TBC1D23: variants seen among roughly 807,000 people sequenced by gnomAD.
TBC1D23 encodes HCV non-structural protein 4A-transactivated protein 1.
Under a neutral mutation model 91.4 loss-of-function variants are expected in TBC1D23, and 55 were observed. The ratio of observed to expected loss-of-function variants is 0.60; its 90% CI spans 0.48 to 0.75. The LOEUF is 0.75. Ranked by LOEUF, TBC1D23 falls within the 30% of genes least tolerant of loss-of-function variation. The pLI is 0.00. For missense variants in TBC1D23, 725 were observed against 836.1 expected (o/e 0.87, Z 1.64); for synonymous variants, 289 against 281.0 (o/e 1.03, Z -0.28).
chr3:100,302,045 T>C (rs753661639), intron 10 of TBC1D23, 22 bp from the exon 11 acceptor site: 1 of 1,572,300 alleles, frequency 6.4e-7, no homozygotes, highest in Non-Finnish European at 8.6e-7. Flanking sequence ...GTCAAGTTTT[T>C]AACTTTAAAA....
At chr3:100,271,772 G>GAGTT (rs1304345524) in intron 1 of TBC1D23, among the ~76,000 whole-genome samples, 6 of 152,156 alleles carry the variant, frequency 3.9e-5, no homozygotes, top group Non-Finnish European at 8.8e-5. Flanking sequence ...TAGCATCATA[G>GAGTT]AGTTGTCTTA....
Position 100,325,005 on chromosome 3 carries a change from G to A in TBC1D23, c.*1337G>A, listed in dbSNP as rs1265881083. 6.6e-6 allele frequency: 1 copy of A among 152,178 alleles called. No individual in the cohort carries two copies. The highest frequency in any genetic ancestry group is 1.5e-5 in the Non-Finnish European group (1 of 68,032). 9.4% of individuals were successfully genotyped at this position (152,178 alleles called of 1,614,324 possible). Reference sequence around the variant, plus strand: ...CTAATATCTAATAAAAACAGTTTGAGTGGTTGAAGACATCTGCATGAAATT... The same window carrying A: ...CTAATATCTAATAAAAACAGTTTGAATGGTTGAAGACATCTGCATGAAATT... On this transcript the variant is annotated 3_prime_UTR_variant, in exon 19 of 19. Coordinates refer to ENST00000394144, the MANE Select transcript of TBC1D23 (RefSeq NM_001199198.3).
rs1705519030 is a variant in TBC1D23 at position 100,306,426 on chromosome 3, TTTATC to T, written c.1307-7_1307-3del. 1 of 1,523,608 alleles carries T rather than the reference TTTATC, an allele frequency of 6.6e-7. No homozygotes were observed. Among genetic ancestry groups the T allele is most frequent in the African/African-American group, 1.4e-5 (1 of 71,578 alleles). 94.4% of individuals were successfully genotyped at this position (1,523,608 alleles called of 1,614,324 possible). A position where few individuals can be genotyped will look rare whatever the true frequency, so the allele number is the denominator to read the frequency against. The stretch of plus-strand genomic sequence containing the variant: ...TTTTAGGTTTTTCTTTTTTTTTTAA[TTTATC>T]TTAAGCACTGCAGCAGCACCTGGCA... On this transcript the variant is annotated splice_polypyrimidine_tract_variant and splice_region_variant and intron_variant, in intron 12 of 18. Transcript: ENST00000394144.
chr3:100,282,506 G>C (rs944169514), intron 3 of TBC1D23, among the ~76,000 whole-genome samples: 1 of 152,150 alleles, frequency 6.6e-6, no homozygotes, highest in Non-Finnish European at 1.5e-5. Flanking sequence ...GTGGACTGCT[G>C]TAGAGAAACT....
chr3:100,261,437 T>C (rs3772701), intron 1 of TBC1D23: 73,286 of 285,060 alleles, frequency 0.26, 10,373 homozygotes, highest in East Asian at 0.53. Context: ...TGGATGCAGA[T>C]CTGAGTCACT....
At chr3:100,287,384 A>C (rs993468711) in intron 4 of TBC1D23, among the ~76,000 whole-genome samples, 1 of 152,228 alleles carries the variant, frequency 6.6e-6, no homozygotes, top group Non-Finnish European at 1.5e-5. Context: ...CTTGTACTTG[A>C]GAGCAACACT....
chr3:100,296,001 T>G (rs976535966), intron 7 of TBC1D23, among the ~76,000 whole-genome samples, 171 bp from the exon 8 acceptor site: 1 of 152,222 alleles, frequency 6.6e-6, no homozygotes. Context: ...AGATTTACAT[T>G]AGCCGTTTCA....
chr3:100,311,887 T>A lies in TBC1D23; in HGVS notation c.1598+10T>A. 6.6e-7 allele frequency: 1 copy of A among 1,526,514 alleles called. No individual in the cohort carries two copies. Among genetic ancestry groups the A allele is most frequent in the Non-Finnish European group, 8.8e-7 (1 of 1,137,854 alleles). The allele number at this position is 1,526,514 out of a possible 1,614,324, so 94.6% of individuals were successfully genotyped here. ...GATCATGTACAGAGCGGTAAGCCAA[T>A]GAGTAGAGCATTTTTCTTGAACCAT... On this transcript the variant is annotated intron_variant, in intron 15 of 18. Transcript: ENST00000394144.
intron 14 of TBC1D23, among the ~76,000 whole-genome samples, chr3:100,311,225 T>C (rs771817612): frequency 5.9e-5 from 9 of 152,230 alleles, no homozygotes; most frequent in Non-Finnish European, 1.2e-4. Context: ...AAATGTGTTA[T>C]AGTATTTGGT....
At chr3:100,286,501 C>CTTTT (rs11370481) in intron 4 of TBC1D23, among the ~76,000 whole-genome samples, 1 of 146,364 alleles carries the variant, frequency 6.8e-6, no homozygotes, top group Non-Finnish European at 1.5e-5. Context: ...AACATATCTT[C>CTTTT]TTTTTTTTTT....
chr3:100,275,996 CTG>C (rs2067645197), intron 1 of TBC1D23, among the ~76,000 whole-genome samples: 1 of 150,960 alleles, frequency 6.6e-6, no homozygotes, highest in Non-Finnish European at 1.5e-5. Flanking sequence ...TTGGCAGAGA[CTG>C]GGGTCAGGGT....
At chr3:100,274,837 TATG>T (rs1278149449) in intron 1 of TBC1D23, among the ~76,000 whole-genome samples, 20 of 148,628 alleles carry the variant, frequency 1.3e-4, no homozygotes, top group Non-Finnish European at 1.9e-4. Context: ...ACATATATAA[TATG>T]ATAAATATAT....
At position 100,316,167 on chromosome 3, in the gene TBC1D23, A is replaced by G; in HGVS notation, c.1667A>G (p.Asp556Gly). 6.2e-7 allele frequency: 1 copy of G among 1,613,778 alleles called. No individual in the cohort carries two copies. The highest frequency in any genetic ancestry group is 1.1e-5 in the South Asian group (1 of 91,076). The stretch of plus-strand genomic sequence containing the variant: ...GTAAAGCCTGTTTTCAGCATTGGGG[A>G]TGAAGAAGAATACGACACAGGTGTA... Reference protein sequence around the residue: ...RGVKPVFSIGDEEEYDTDEID... With the variant: ...RGVKPVFSIGGEEEYDTDEID... Residue 556 changes from aspartate (D) to glycine (G), a missense_variant, in exon 16 of 19, where the codon GAT becomes GGT. By Grantham distance (94) the Asp-to-Gly change is moderately conservative (BLOSUM62 -1). Coordinates refer to ENST00000394144, the MANE Select transcript of TBC1D23 (RefSeq NM_001199198.3).
Position 100,283,784 on chromosome 3 carries a change from A to G in TBC1D23, c.449A>G (p.Tyr150Cys). 3.1e-6 allele frequency: 5 copies of G among 1,611,302 alleles called. No individual in the cohort carries two copies. The highest frequency in any genetic ancestry group is 4.2e-6 in the Non-Finnish European group (5 of 1,177,448). The part of the protein sequence containing the change: ...LPRSDLYNCF[Y>C]AIMNKYIPRD... Reference sequence around the variant, plus strand: ...CGCAGCGATTTATACAACTGCTTTTATGCCATAATGAATAAGTACATTCCC... The same window carrying G: ...CGCAGCGATTTATACAACTGCTTTTGTGCCATAATGAATAAGTACATTCCC... The change falls in exon 4 of 19, where the codon TAT becomes TGT. Residue 150 changes from tyrosine to cysteine, a missense_variant. By Grantham distance (194) the Tyr-to-Cys change is radical. Coordinates refer to ENST00000394144, the MANE Select transcript of TBC1D23 (RefSeq NM_001199198.3).
chr3:100,281,309 A>G (rs535409942), intron 2 of TBC1D23, among the ~76,000 whole-genome samples: 20 of 152,266 alleles, frequency 1.3e-4, no homozygotes, highest in Admixed American at 7.2e-4. Flanking sequence ...AGATTCTTTA[A>G]ATCAATACAG....
chr3:100,290,785 A>G (rs2067783457), intron 5 of TBC1D23, 84 bp downstream of exon 5: 1 of 1,175,434 alleles, frequency 8.5e-7, no homozygotes, highest in African/African-American at 1.6e-5. Flanking sequence ...TTCAAGGAAG[A>G]GAAAGAAAAG....
chr3:100,290,331 G>A (rs2067778785), intron 4 of TBC1D23, among the ~76,000 whole-genome samples: 1 of 152,166 alleles, frequency 6.6e-6, no homozygotes, highest in Non-Finnish European at 1.5e-5. Context: ...GATCCCTGTA[G>A]TTCTCTCACT....
chr3:100,305,709 A>G (rs12486660), intron 12 of TBC1D23, among the ~76,000 whole-genome samples: 39,004 of 151,962 alleles, frequency 0.26, 5,416 homozygotes, highest in Non-Finnish European at 0.31. Flanking sequence ...GTCATTGTTG[A>G]TATTAACAAG....
chr3:100,296,292 G>C lies in TBC1D23; in HGVS notation c.876+17G>C. On this transcript the variant is annotated intron_variant, in intron 8 of 18. Coordinates refer to ENST00000394144, the MANE Select transcript of TBC1D23 (RefSeq NM_001199198.3). ...TTTAGGAAGGTATAAGACCAGAAAT[G>C]ACCAACTATGTTGTATTTCATATTT... The C allele has an allele frequency of 7.3e-7, 1 of 1,362,322 alleles. No individual in the cohort carries two copies. The highest frequency in any genetic ancestry group is 1.0e-6 in the Non-Finnish European group (1 of 969,900). The allele number at this position is 1,362,322 out of a possible 1,614,324, so 84.4% of individuals were successfully genotyped here.
Sources: allele counts gnomAD v4.1 joint callset (sites outside exome capture counted in the v4.1 genomes callset), GRCh38; gene constraint gnomAD v4.1.1; transcripts MANE v1.5; gene names NCBI Gene and HGNC (gene_info 2026-07-23, HGNC 2026-07-21).